The following FGF12 variants were observed in gnomAD, a reference collection of about 807,000 sequenced individuals.
FGF12 encodes the protein fibroblast growth factor 12B.
A neutral mutation model predicts 23.6 loss-of-function variants in FGF12; 14 were observed. The observed-to-expected ratio is 0.59, with a 90% CI of 0.39 to 0.93. FGF12 has a LOEUF of 0.93. Ranked by LOEUF, FGF12 falls within the 40% of genes least tolerant of loss-of-function variation. The pLI is 0.00. For missense variants in FGF12, 175 were observed against 217.8 expected (o/e 0.80, Z 1.24); for synonymous variants, 62 against 77.3 (o/e 0.80, Z 1.04).
chr3:192,306,397 T>C (rs1023722988), intron 4 of FGF12, among the ~76,000 whole-genome samples: 1 of 152,072 alleles, frequency 6.6e-6, no homozygotes, highest in African/African-American at 2.4e-5. Context: ...AATGATGGAA[T>C]ACTCTGAGAA....
intron 2 of FGF12, among the ~76,000 whole-genome samples, chr3:192,709,896 T>G (rs568191456): frequency 1.6e-4 from 25 of 152,314 alleles, no homozygotes; most frequent in African/African-American, 5.3e-4. Flanking sequence ...GTTCATGAGG[T>G]CAGTCTCTTA....
intron 4 of FGF12, among the ~76,000 whole-genome samples, chr3:192,303,076 A>G (rs1037521687): frequency 1.3e-5 from 2 of 152,182 alleles, no homozygotes; most frequent in African/African-American, 4.8e-5. Flanking sequence ...ATTTAGAAAA[A>G]ACAGTCCTTA....
At chr3:192,415,096 T>C (rs947700854) in intron 2 of FGF12, among the ~76,000 whole-genome samples, 3 of 152,102 alleles carry the variant, frequency 2.0e-5, no homozygotes, top group African/African-American at 7.2e-5. Flanking sequence ...AAATATAAAT[T>C]TCCTCCATTT....
chr3:192,681,805 T>C (rs1383154749), intron 2 of FGF12, among the ~76,000 whole-genome samples: 5 of 151,976 alleles, frequency 3.3e-5, no homozygotes, highest in African/African-American at 1.2e-4. Flanking sequence ...GCTGAGGTCA[T>C]AAAAATCATC....
intron 2 of FGF12, among the ~76,000 whole-genome samples, chr3:192,611,803 C>T (rs1240413525): frequency 6.6e-6 from 1 of 152,000 alleles, no homozygotes; most frequent in African/African-American, 2.4e-5. Context: ...CTATGTTCCT[C>T]AAACTATGTT....
At chr3:192,688,293 TG>T (rs776283229) in intron 2 of FGF12, among the ~76,000 whole-genome samples, 12 of 152,078 alleles carry the variant, frequency 7.9e-5, no homozygotes, top group Non-Finnish European at 1.5e-4. Flanking sequence ...CTTCCATTCA[TG>T]GTGCCCCACA....
At chr3:192,626,631 G>A (rs1715179420) in intron 2 of FGF12, among the ~76,000 whole-genome samples, 1 of 152,130 alleles carries the variant, frequency 6.6e-6, no homozygotes, top group Admixed American at 6.6e-5. Context: ...TGTTTATTTA[G>A]AGAATGGGCC....
At chr3:192,260,370 C>A (rs980600227) in intron 4 of FGF12, among the ~76,000 whole-genome samples, 5 of 152,100 alleles carry the variant, frequency 3.3e-5, no homozygotes, top group Non-Finnish European at 7.4e-5. Context: ...TTTTACTGTG[C>A]CAACTAATAG....
rs551118288 is a variant in FGF12, at chr3:192,625,972, T to C, written c.13+101209A>G. Among the ~76,000 whole-genome samples the C allele has an allele frequency of 2.0e-5, 3 of 152,314 alleles. 1 individual carries two copies. Among genetic ancestry groups the C allele is most frequent in the Admixed American group, 2.0e-4 (3 of 15,294 alleles). ...GTAAAATTAGATAAATAGATGATAT[T>C]AGAAAGATGAGACAGTCCCTGTTGA... On this transcript the variant is annotated intron_variant, in intron 2 of 5. Transcript: ENST00000445105.
At position 192,513,055 on chromosome 3, in the gene FGF12, A is replaced by G. The variant is rs557646964; in HGVS notation, c.14-152517T>C. On this transcript the variant is annotated intron_variant, in intron 2 of 5. Transcript: ENST00000445105. ...GAAACTGACTCTGCAGGTAAACTGA[A>G]TATCTTTCCTAATTTGACATGAGAG... is the stretch of plus-strand genomic sequence containing the variant. 4.9e-4 allele frequency among the ~76,000 whole-genome samples: 75 copies of G among 151,766 alleles called. 1 individual carries two copies. In the South Asian group the frequency reaches 0.015, roughly 30 times the overall value.
At chr3:192,373,349 G>A (rs529104813) in intron 2 of FGF12, among the ~76,000 whole-genome samples, 1 of 150,168 alleles carries the variant, frequency 6.7e-6, no homozygotes, top group South Asian at 2.1e-4. Context: ...TCTATAAAAC[G>A]ACTGTATTGG....
intron 4 of FGF12, among the ~76,000 whole-genome samples, chr3:192,319,552 G>A (rs937631859): frequency 3.9e-5 from 6 of 152,028 alleles, no homozygotes; most frequent in South Asian, 2.1e-4. Context: ...AGCTGAGATC[G>A]CACCACTGCA....
intron 2 of FGF12, among the ~76,000 whole-genome samples, chr3:192,431,094 G>T (rs1721846720): frequency 6.6e-6 from 1 of 152,140 alleles, no homozygotes; most frequent in African/African-American, 2.4e-5. Context: ...AGGAACAGAT[G>T]ATATGAGTTA....
At chr3:192,492,957 T>C (rs1369222903) in intron 2 of FGF12, among the ~76,000 whole-genome samples, 1 of 112,658 alleles carries the variant, frequency 8.9e-6, no homozygotes, top group African/African-American at 5.8e-5. Flanking sequence ...ATTTTTGTAA[T>C]TTTTTTTTTT....
chr3:192,623,951 T>C (rs1211826904), intron 2 of FGF12, among the ~76,000 whole-genome samples: 1 of 152,202 alleles, frequency 6.6e-6, no homozygotes, highest in Non-Finnish European at 1.5e-5. Flanking sequence ...TGCTCGACTG[T>C]ATAATCAATT....
intron 2 of FGF12, among the ~76,000 whole-genome samples, chr3:192,438,950 G>C (rs893932292): frequency 6.6e-6 from 1 of 152,150 alleles, no homozygotes. Context: ...TGAAGTGTGG[G>C]TAAGCCCCCA....
rs1164051000 is a variant in FGF12, at chr3:192,272,375, G to C, written c.228+62986C>G. Among the ~76,000 whole-genome samples, 4 of 152,194 alleles carry C rather than the reference G, an allele frequency of 2.6e-5. No individual in the cohort carries two copies. The East Asian group carries it at 7.7e-4, about 29-fold the overall frequency. ...TCATATTATCTGATTTTGTGAAATTGCTATGTAAAAATGTAATCCATTTCA... is the reference window on the plus strand; with the variant it reads ...TCATATTATCTGATTTTGTGAAATTCCTATGTAAAAATGTAATCCATTTCA... On this transcript the variant is annotated intron_variant, in intron 4 of 5. Coordinates refer to ENST00000445105, the MANE Select transcript of FGF12 (RefSeq NM_004113.6).
chr3:192,474,312 G>A (rs1723254986), intron 2 of FGF12, among the ~76,000 whole-genome samples: 1 of 152,098 alleles, frequency 6.6e-6, no homozygotes, highest in Admixed American at 6.5e-5. Context: ...CTACTTCCAG[G>A]AACAACACTC....
intron 4 of FGF12, among the ~76,000 whole-genome samples, chr3:192,275,207 T>C (rs190552784): frequency 0.013 from 1,905 of 152,272 alleles, 26 homozygotes; most frequent in South Asian, 0.06. Flanking sequence ...TCACTCATGC[T>C]GAAATTCCTC....
Sources: gnomAD v4.1 joint callset for allele counts (sites outside exome capture counted in the v4.1 genomes callset) on GRCh38, gnomAD v4.1.1 for gene constraint, MANE v1.5 for transcripts, NCBI Gene and HGNC (gene_info 2026-07-23, HGNC 2026-07-21) for gene names.